PEBP4: variants seen among roughly 807,000 people sequenced by gnomAD.
PEBP4 encodes phosphatidylethanolamine-binding protein 4.
Under a neutral mutation model 23.9 loss-of-function variants are expected in PEBP4, and 22 were observed. The observed-to-expected ratio is 0.92, with a 90% CI of 0.66 to 1.31. The LOEUF (loss-of-function observed/expected upper bound fraction) is 1.31, where lower values mean the gene tolerates loss of function less well. PEBP4 is among the 40% of genes most tolerant of loss of function. PEBP4 has a pLI of 0.00. For missense variants in PEBP4, 324 were observed against 281.7 expected (o/e 1.15, Z -1.07); for synonymous variants, 112 against 99.3 (o/e 1.13, Z -0.76).
intron 4 of PEBP4, among the ~76,000 whole-genome samples, chr8:22,785,578 T>C (rs1333494324): frequency 6.6e-6 from 1 of 152,144 alleles, no homozygotes; most frequent in African/African-American, 2.4e-5. Flanking sequence ...GGAGGAGGAT[T>C]GAGACACAAG....
intron 3 of PEBP4, among the ~76,000 whole-genome samples, chr8:22,871,456 ATTCT>A (rs763953104): frequency 5.3e-5 from 8 of 151,042 alleles, no homozygotes; most frequent in Non-Finnish European, 1.0e-4. Flanking sequence ...TCCCCATAAC[ATTCT>A]TTTTTTTTCA....
intron 4 of PEBP4, among the ~76,000 whole-genome samples, chr8:22,729,026 C>T (rs983703250): frequency 6.6e-6 from 1 of 152,182 alleles, no homozygotes; most frequent in Non-Finnish European, 1.5e-5. Flanking sequence ...TGTCTCGCTC[C>T]CCTCTCAGCA....
chr8:22,886,333 A>G (rs1212404578), intron 3 of PEBP4: 1 of 152,210 alleles, frequency 6.6e-6, no homozygotes, highest in African/African-American at 2.4e-5. Context: ...CACACCTCAC[A>G]GCCATTGAAT....
intron 4 of PEBP4, among the ~76,000 whole-genome samples, chr8:22,797,817 A>G (rs1806297201): frequency 6.6e-6 from 1 of 152,150 alleles, no homozygotes; most frequent in Non-Finnish European, 1.5e-5. Flanking sequence ...TCCTGAGATG[A>G]GCGTATGAAA....
intron 3 of PEBP4, among the ~76,000 whole-genome samples, chr8:22,828,277 C>A (rs944008443): frequency 3.3e-5 from 5 of 152,190 alleles, no homozygotes; most frequent in Non-Finnish European, 7.3e-5. Context: ...TTTCCGGCCT[C>A]AATCCCCATC....
At chr8:22,797,555 G>T (rs1004134928) in intron 4 of PEBP4, among the ~76,000 whole-genome samples, 3 of 152,158 alleles carry the variant, frequency 2.0e-5, no homozygotes, top group Admixed American at 2.0e-4. Context: ...AGAAGGGAAA[G>T]GATATTCGGG....
intron 6 of PEBP4, among the ~76,000 whole-genome samples, chr8:22,721,890 C>A (rs1460198803): frequency 6.6e-6 from 1 of 152,154 alleles, no homozygotes; most frequent in African/African-American, 2.4e-5. Context: ...GAGCACCAGG[C>A]CCTGAGTGTT....
At chr8:22,785,062 A>T (rs991991537) in intron 4 of PEBP4, among the ~76,000 whole-genome samples, 1 of 152,066 alleles carries the variant, frequency 6.6e-6, no homozygotes, top group African/African-American at 2.4e-5. Context: ...TGTCTAGAAC[A>T]CTTTGCCGCC....
At chr8:22,855,200 C>T (rs958506774) in intron 3 of PEBP4, among the ~76,000 whole-genome samples, 1 of 152,172 alleles carries the variant, frequency 6.6e-6, no homozygotes, top group Non-Finnish European at 1.5e-5. Context: ...TGCGCTTCTC[C>T]CACCTGTAAT....
At chr8:22,929,133 G>A (rs932309680), upstream of PEBP4, among the ~76,000 whole-genome samples, 2 of 152,244 alleles carry the variant, frequency 1.3e-5, no homozygotes, top group African/African-American at 2.4e-5. Flanking sequence ...TAAGCCCTCA[G>A]TAAGGTGCCT....
chr8:22,818,018 T>C (rs891696111), intron 3 of PEBP4, among the ~76,000 whole-genome samples: 1 of 152,242 alleles, frequency 6.6e-6, no homozygotes, highest in African/African-American at 2.4e-5. Flanking sequence ...TTCTGAGCGC[T>C]GTGCTGAGTG....
intron 6 of PEBP4, among the ~76,000 whole-genome samples, chr8:22,719,411 C>T (rs988186426): frequency 6.6e-6 from 1 of 152,088 alleles, no homozygotes; most frequent in Admixed American, 6.5e-5. Flanking sequence ...GTGAGGTGAC[C>T]GAGGTGTGGT....
chr8:22,879,351 C>T (rs1379375259), intron 3 of PEBP4: 1 of 152,206 alleles, frequency 6.6e-6, no homozygotes, highest in African/African-American at 2.4e-5. Flanking sequence ...TCAAGCCTCA[C>T]AATGGGACCT....
At chr8:22,767,579 TAA>T (rs1420926563) in intron 4 of PEBP4, among the ~76,000 whole-genome samples, 2 of 152,058 alleles carry the variant, frequency 1.3e-5, no homozygotes, top group Non-Finnish European at 2.9e-5. Flanking sequence ...TTGACAGTGA[TAA>T]GAGTCCAAAT....
At chr8:22,759,511 G>A (rs1805460717) in intron 4 of PEBP4, among the ~76,000 whole-genome samples, 1 of 152,100 alleles carries the variant, frequency 6.6e-6, no homozygotes, top group Non-Finnish European at 1.5e-5. Flanking sequence ...CCACCATGAG[G>A]GGTAGAGGTG....
At chr8:22,723,245 G>T (rs142964280) in intron 6 of PEBP4, among the ~76,000 whole-genome samples, 22 of 152,270 alleles carry the variant, frequency 1.4e-4, no homozygotes, top group African/African-American at 4.8e-4. Context: ...CATCTTGGGA[G>T]GGGTGGGTCA....
At chr8:22,774,825 A>T (rs1805783474) in intron 4 of PEBP4, among the ~76,000 whole-genome samples, 1 of 151,964 alleles carries the variant, frequency 6.6e-6, no homozygotes. Context: ...CTCTTGTCCG[A>T]TTTCCTTCTG....
chr8:22,762,794 G>C (rs527979989), intron 4 of PEBP4, among the ~76,000 whole-genome samples: 1 of 152,112 alleles, frequency 6.6e-6, no homozygotes, highest in Non-Finnish European at 1.5e-5. Flanking sequence ...TCCTTTGCTC[G>C]TTGTGTTACA....
rs370947276 is a variant in PEBP4 at position 22,750,034 on chromosome 8, G to A, written c.358-22814C>T. Among the ~76,000 whole-genome samples the A allele has an allele frequency of 7.4e-4, 113 of 151,896 alleles. 1 individual carries two copies. The East Asian group carries it at 0.014, about 19-fold the overall frequency. ...TTGGTCAGGTTGGTCTCGAACTCCC[G>A]ACCTCATGTGATCCGCCTGCCTCGG... On this transcript the variant is annotated intron_variant, in intron 4 of 6. Transcript: ENST00000256404.
Sources: gnomAD v4.1 joint callset for allele counts (sites outside exome capture counted in the v4.1 genomes callset) on GRCh38, gnomAD v4.1.1 for gene constraint, MANE v1.5 for transcripts, NCBI Gene and HGNC (gene_info 2026-07-23, HGNC 2026-07-21) for gene names.